The following RUVBL1 variants were observed in gnomAD, a reference collection of about 807,000 sequenced individuals.
The protein encoded by RUVBL1 is ruvB-like 1.
A neutral mutation model predicts 52.4 loss-of-function variants in RUVBL1; 4 were observed. That is an observed-to-expected ratio of 0.08 (90% CI 0.04 to 0.17). RUVBL1 has a LOEUF of 0.17. Among genes scored for constraint, RUVBL1 ranks in the 10% least tolerant of loss-of-function variants. The probability of loss-of-function intolerance (pLI) is 1.00; values close to 1 mark genes in which losing one functional copy is unlikely to be tolerated. For synonymous variants in RUVBL1, 217 were observed against 214.4 expected (o/e 1.01, Z -0.10); for missense variants, 298 against 572.8 (o/e 0.52, Z 4.90).
At chr3:128,069,021 C>G (rs1415966102) in intron 9 of RUVBL1, 1 of 152,976 alleles carries the variant, frequency 6.5e-6, no homozygotes, top group African/African-American at 2.4e-5. Context: ...TATTAAGCTG[C>G]TGGATTTACA....
chr3:128,151,654 A>G (rs1411172703), intron 1 of RUVBL1, among the ~76,000 whole-genome samples: 1 of 152,114 alleles, frequency 6.6e-6, no homozygotes, highest in East Asian at 1.9e-4. Flanking sequence ...TAAGGACCCT[A>G]ATCCCATCAC....
At chr3:128,120,849 C>T (rs1033899071) in intron 1 of RUVBL1, among the ~76,000 whole-genome samples, 2 of 151,824 alleles carry the variant, frequency 1.3e-5, no homozygotes, top group East Asian at 2.0e-4. Flanking sequence ...CTCAATCTCC[C>T]GACCATGTAA....
intron 8 of RUVBL1, among the ~76,000 whole-genome samples, chr3:128,095,614 G>A (rs11714052): frequency 0.13 from 20,110 of 152,252 alleles, 1,444 homozygotes; most frequent in South Asian, 0.18. Flanking sequence ...TCACGCATTC[G>A]ATTCCTAATT....
chr3:128,123,551 G>A, intron 1 of RUVBL1, 33 bp downstream of exon 1: 1 of 1,541,372 alleles, frequency 6.5e-7, no homozygotes. Flanking sequence ...AGCCCTGCTT[G>A]CAGCCCCCAA....
rs1942021754 is a variant in RUVBL1, at chr3:128,067,629, C to CT, written c.940-2410dup. The CT allele has an allele frequency of 6.3e-7, 1 of 1,592,382 alleles. No homozygotes were observed. Among genetic ancestry groups the CT allele is most frequent in the Non-Finnish European group, 8.6e-7 (1 of 1,165,740 alleles). Reference sequence around the variant, plus strand: ...GCCAAAGATGTAAGTAGAAGCAAAACTTTCTGGAAGGGTGATGAAAGTGTG... The same window carrying CT: ...GCCAAAGATGTAAGTAGAAGCAAAACTTTTCTGGAAGGGTGATGAAAGTGTG... On this transcript the variant is annotated intron_variant, in intron 9 of 9. Transcript: ENST00000464873. The surrounding 1 kb of genome is among the most constrained non-coding windows in gnomAD (Gnocchi z 4.1).
chr3:128,076,072 GGCGGCAT>G (rs1169684044), downstream of RUVBL1: 1 of 152,724 alleles, frequency 6.5e-6, no homozygotes, highest in East Asian at 1.9e-4. The surrounding 1 kb of genome is among the most constrained non-coding windows in gnomAD (Gnocchi z 6.8). Context: ...GCTCCTCCCT[GGCGGCAT>G]GTGGGTATTT....
chr3:128,112,752 T>C (rs975994957), intron 3 of RUVBL1, 136 bp downstream of exon 3: 4 of 949,994 alleles, frequency 4.2e-6, no homozygotes, highest in South Asian at 1.7e-5. Context: ...TGAAAAATAA[T>C]GCACTACTAA....
intron 1 of RUVBL1, among the ~76,000 whole-genome samples, chr3:128,141,543 C>T (rs1366319497): frequency 2.0e-5 from 3 of 152,174 alleles, no homozygotes; most frequent in South Asian, 4.2e-4. Context: ...TCACCCAGGC[C>T]GGAGTGTAAG....
At chr3:128,128,584 TC>T (rs1309146518), upstream of RUVBL1, among the ~76,000 whole-genome samples, 10 of 152,166 alleles carry the variant, frequency 6.6e-5, no homozygotes, top group Non-Finnish European at 1.5e-4. Flanking sequence ...ACATACTTCT[TC>T]CCTTTAACCT....
chr3:128,136,809 CAAAG>C (rs1371647231), intron 1 of RUVBL1, among the ~76,000 whole-genome samples: 1 of 151,764 alleles, frequency 6.6e-6, no homozygotes, highest in Admixed American at 6.6e-5. Context: ...TATAAGGAGA[CAAAG>C]AAGATCATTA....
rs531316986 is a variant in RUVBL1, at chr3:128,123,098, T to C, written c.141+486A>G. On this transcript the variant is annotated intron_variant, in intron 1 of 10. Coordinates refer to ENST00000322623, the MANE Select transcript of RUVBL1 (RefSeq NM_003707.3). The stretch of plus-strand genomic sequence containing the variant: ...TTAGTCAATTCCCTACTTTAAACCG[T>C]CCCATAGCCTGCCACTGCATTCACA... Among the ~76,000 whole-genome samples the C allele has an allele frequency of 3.9e-5, 6 of 152,250 alleles. No homozygotes were observed. The East Asian group carries it at 1.2e-3, about 29-fold the overall frequency.
intron 9 of RUVBL1, among the ~76,000 whole-genome samples, chr3:128,065,978 G>A (rs1004577595): frequency 3.3e-5 from 5 of 151,904 alleles, no homozygotes; most frequent in African/African-American, 7.2e-5. Context: ...TCCTGACCTC[G>A]TGATCCGCCC....
At chr3:128,131,446 C>A (rs1943874191) in intron 1 of RUVBL1, among the ~76,000 whole-genome samples, 1 of 152,148 alleles carries the variant, frequency 6.6e-6, no homozygotes, top group Non-Finnish European at 1.5e-5. Context: ...TCACTGCACT[C>A]CAGCCTGGGT....
rs1341020047 is a variant in RUVBL1, at chr3:128,151,111, G to GTATATATTCTA, written c.-40+2081_-40+2091dup. On this transcript the variant is annotated intron_variant, in intron 1 of 9. Coordinates refer to the RUVBL1 transcript ENST00000464873. ...TATCTATATATTCTATATATATTCT[G>GTATATATTCTA]TATATATTCTATATATATTCTATAT... Among the ~76,000 whole-genome samples the GTATATATTCTA allele has an allele frequency of 2.8e-3, 299 of 106,512 alleles. 1 individual carries two copies. The highest frequency in any genetic ancestry group is 9.5e-3 in the African/African-American group (256 of 26,904). The allele number at this position is 106,512 out of a possible 152,430, so 69.9% of individuals were successfully genotyped here.
rs541184895 is a variant in RUVBL1, at chr3:128,130,674, G to A, written c.-39-11260C>T. Among the ~76,000 whole-genome samples the A allele has an allele frequency of 1.7e-4, 25 of 148,442 alleles. No homozygotes were observed. The South Asian group carries it at 5.1e-3, about 30-fold the overall frequency. ...TTATTTATTTATTTATTTTTGAGAC[G>A]GAGTCTTACTCTGTCCCCCAGGCTG... On this transcript the variant is annotated intron_variant, in intron 1 of 9. Transcript: ENST00000464873.
At chr3:128,089,583 G>A (rs1482314250) in intron 8 of RUVBL1, among the ~76,000 whole-genome samples, 1 of 152,186 alleles carries the variant, frequency 6.6e-6, no homozygotes, top group African/African-American at 2.4e-5. Flanking sequence ...ATTCTATCCA[G>A]TTGAGGTATA....
rs140066914 is a variant in RUVBL1, at chr3:128,108,840, T to C, written c.362-3916A>G. ...AAGATTTTAAACCTTAAAGGAGTCC[T>C]GCGAGTCATTTCCACTGCTATTCCA... On this transcript the variant is annotated intron_variant, in intron 3 of 10. Transcript: ENST00000322623. Among the ~76,000 whole-genome samples the C allele has an allele frequency of 1.6e-4, 24 of 152,204 alleles. No individual in the cohort carries two copies. The East Asian group carries it at 3.3e-3, about 21-fold the overall frequency.
intron 9 of RUVBL1, 62 bp downstream of exon 9, chr3:128,087,644 G>T: frequency 7.4e-7 from 1 of 1,343,068 alleles, no homozygotes; most frequent in South Asian, 1.3e-5. Context: ...TTTCTGCACA[G>T]CCACCAGTGA....
chr3:128,073,466 G>A (rs9814461), intron 9 of RUVBL1, among the ~76,000 whole-genome samples: 35,125 of 152,000 alleles, frequency 0.23, 4,133 homozygotes, highest in South Asian at 0.27. Flanking sequence ...GAAGAGCAAC[G>A]GATTCCTGAT....
Sources: allele counts gnomAD v4.1 joint callset (sites outside exome capture counted in the v4.1 genomes callset), GRCh38; gene constraint gnomAD v4.1.1; non-coding constraint Gnocchi (gnomAD v3.1); transcripts MANE v1.5; gene names NCBI Gene and HGNC (gene_info 2026-07-23, HGNC 2026-07-21).